CDADC1: variants seen among roughly 807,000 people sequenced by gnomAD.
CDADC1 encodes the protein cytidine and dCMP deaminase domain containing 1, also known as dCTP deaminase.
Under a neutral mutation model 54.9 loss-of-function variants are expected in CDADC1, and 39 were observed. The ratio of observed to expected loss-of-function variants is 0.71; its 90% CI spans 0.55 to 0.93. CDADC1 has a LOEUF of 0.93. Among genes scored for constraint, CDADC1 ranks in the 40% least tolerant of loss-of-function variants. CDADC1 has a pLI of 0.00. For synonymous variants in CDADC1, 186 were observed against 204.0 expected (o/e 0.91, Z 0.75); for missense variants, 518 against 618.8 (o/e 0.84, Z 1.73).
intron 7 of CDADC1, 61 bp from the exon 8 acceptor site, chr13:49,280,448 C>T: frequency 1.2e-6 from 1 of 838,014 alleles, no homozygotes; most frequent in Non-Finnish European, 1.7e-6. Flanking sequence ...AAAGATTTTT[C>T]TAAAAAATAA....
At chr13:49,279,686 C>T (rs1412862396) in intron 7 of CDADC1, among the ~76,000 whole-genome samples, 1 of 152,092 alleles carries the variant, frequency 6.6e-6, no homozygotes. Flanking sequence ...TTGCCCTAGT[C>T]CAGGTGAACG....
intron 7 of CDADC1, among the ~76,000 whole-genome samples, chr13:49,279,226 G>C (rs551434325): frequency 9.2e-5 from 14 of 152,262 alleles, no homozygotes; most frequent in African/African-American, 3.1e-4. Context: ...AATGCAATAG[G>C]GGATATGAGA....
At chr13:49,262,767 A>T (rs1272263540) in intron 4 of CDADC1, among the ~76,000 whole-genome samples, 2 of 152,010 alleles carry the variant, frequency 1.3e-5, no homozygotes, top group Non-Finnish European at 2.9e-5. Flanking sequence ...CTGACTCATG[A>T]TCTGCCCACC....
intron 5 of CDADC1, 45 bp downstream of exon 5, chr13:49,268,104 ATT>A: frequency 1.4e-6 from 2 of 1,434,288 alleles, no homozygotes; most frequent in Non-Finnish European, 1.9e-6. Context: ...GTTGGGTTGT[ATT>A]TGTCTCTGAA....
At chr13:49,256,059 A>G in intron 3 of CDADC1, 146 bp downstream of exon 3, 2 of 1,098,136 alleles carry the variant, frequency 1.8e-6, no homozygotes, top group South Asian at 2.4e-5. Context: ...TTACAAGACT[A>G]TATGTCACTC....
At chr13:49,274,915 C>A (rs1054506287) in intron 6 of CDADC1, among the ~76,000 whole-genome samples, 1 of 152,052 alleles carries the variant, frequency 6.6e-6, no homozygotes, top group African/African-American at 2.4e-5. Flanking sequence ...GTAATTATAA[C>A]TGATATCATG....
Position 49,248,898 on chromosome 13 carries a change from A to C in CDADC1, c.110A>C (p.Asn37Thr), listed in dbSNP as rs150336586. ...TGQIPRLSKV[N>T]LFTLLSLWME... The stretch of plus-strand genomic sequence containing the variant: ...CAGATACCAAGGCTTTCTAAAGTCA[A>C]CCTTTTCACTCTGCTCAGCCTCTGG... Residue 37 changes from asparagine (N) to threonine (T), a missense_variant, in exon 2 of 10, where the codon AAC (asparagine) becomes ACC (threonine). Transcript: ENST00000251108. The C allele has an allele frequency of 3.1e-6, 5 of 1,611,426 alleles. No individual in the cohort carries two copies. The highest frequency in any genetic ancestry group is 3.3e-5 in the Admixed American group (2 of 60,008).
intron 1 of CDADC1, 139 bp downstream of exon 1, chr13:49,248,258 G>C (rs1031313440): frequency 5.5e-6 from 4 of 730,196 alleles, no homozygotes; most frequent in Non-Finnish European, 8.9e-6. Flanking sequence ...CGCCCTCTGC[G>C]TGTCCCCTCC....
chr13:49,291,383 G>A (rs1566383424), intron 9 of CDADC1, among the ~76,000 whole-genome samples: 1 of 151,748 alleles, frequency 6.6e-6, no homozygotes, highest in Non-Finnish European at 1.5e-5. Flanking sequence ...TGCTGCCCAA[G>A]CTGGTCTTGA....
chr13:49,285,960 C>T (rs181296979), intron 8 of CDADC1, among the ~76,000 whole-genome samples: 14 of 152,090 alleles, frequency 9.2e-5, no homozygotes, highest in African/African-American at 2.9e-4. Flanking sequence ...ACTACAGGCG[C>T]GTGCCACCAC....
chr13:49,250,737 A>G (rs1053763558), intron 2 of CDADC1, among the ~76,000 whole-genome samples: 1 of 152,246 alleles, frequency 6.6e-6, no homozygotes, highest in Non-Finnish European at 1.5e-5. Flanking sequence ...GAATTTTAAC[A>G]GGATGTGAGG....
At chr13:49,270,408 AT>A (rs1255444029) in intron 5 of CDADC1, among the ~76,000 whole-genome samples, 2 of 152,002 alleles carry the variant, frequency 1.3e-5, no homozygotes, top group Admixed American at 1.3e-4. Flanking sequence ...TTTTGTAGAT[AT>A]GTCTCACTGT....
chr13:49,279,309 A>G (rs1211960862), intron 7 of CDADC1, among the ~76,000 whole-genome samples: 1 of 152,178 alleles, frequency 6.6e-6, no homozygotes, highest in Non-Finnish European at 1.5e-5. Flanking sequence ...TGGAGCTGCT[A>G]TGGACAAATG....
At chr13:49,284,017 T>C (rs1398407503) in intron 8 of CDADC1, among the ~76,000 whole-genome samples, 1 of 152,198 alleles carries the variant, frequency 6.6e-6, no homozygotes, top group Non-Finnish European at 1.5e-5. Flanking sequence ...TTAAAGCAAA[T>C]TGAAATTACT....
chr13:49,248,824 T>C (rs1288633560), intron 1 of CDADC1, 47 bp from the exon 2 acceptor site: 1 of 1,247,204 alleles, frequency 8.0e-7, no homozygotes, highest in East Asian at 2.3e-5. Flanking sequence ...GGCTCCCTTT[T>C]TCACCATTAG....
At chr13:49,266,179 A>T (rs568289080) in intron 4 of CDADC1, among the ~76,000 whole-genome samples, 4 of 152,316 alleles carry the variant, frequency 2.6e-5, no homozygotes, top group African/African-American at 7.2e-5. Context: ...CACAAAAAAA[A>T]AATCTCTCCT....
At chr13:49,256,725 A>G (rs1566354052) in intron 3 of CDADC1, among the ~76,000 whole-genome samples, 2 of 152,234 alleles carry the variant, frequency 1.3e-5, no homozygotes, top group Non-Finnish European at 2.9e-5. Context: ...GTGGAGACTA[A>G]GCATGTATGT....
intron 5 of CDADC1, among the ~76,000 whole-genome samples, chr13:49,274,051 C>A (rs1357627922): frequency 6.6e-6 from 1 of 152,160 alleles, no homozygotes; most frequent in Non-Finnish European, 1.5e-5. Flanking sequence ...TAGTGGCCTC[C>A]ACATACGTAT....
rs538884427 is a variant in CDADC1 at position 49,283,685 on chromosome 13, T to G, written c.1411-2537T>G. Among the ~76,000 whole-genome samples, 44 of 152,102 alleles carry G rather than the reference T, an allele frequency of 2.9e-4. No individual in the cohort carries two copies. The South Asian group carries it at 8.9e-3, about 31-fold the overall frequency. ...GAGAAGCAGAAGGAGGCAGGAAGACTAAGGGGATCTTCAGGGGCAGAGATG... is the reference window on the plus strand; with the variant it reads ...GAGAAGCAGAAGGAGGCAGGAAGACGAAGGGGATCTTCAGGGGCAGAGATG... On this transcript the variant is annotated intron_variant, in intron 8 of 9. Coordinates refer to ENST00000251108, the MANE Select transcript of CDADC1 (RefSeq NM_030911.4).
Sources: gnomAD v4.1 joint callset for allele counts (sites outside exome capture counted in the v4.1 genomes callset) on GRCh38, gnomAD v4.1.1 for gene constraint, MANE v1.5 for transcripts, NCBI Gene and HGNC (gene_info 2026-07-23, HGNC 2026-07-21) for gene names.